The following FNBP1 variants were observed in gnomAD, a reference collection of about 807,000 sequenced individuals.
FNBP1 encodes formin-binding protein 1.
In FNBP1, 26 loss-of-function variants were observed where a neutral mutation model predicts 90.6. That is an observed-to-expected ratio of 0.29 (90% CI 0.21 to 0.40). FNBP1 has a LOEUF of 0.40. FNBP1 is among the 10% of genes least tolerant of loss of function. The pLI, the probability that FNBP1 is intolerant of heterozygous loss-of-function variation, is 1.00. For missense variants in FNBP1, 635 were observed against 768.0 expected, an observed-to-expected ratio of 0.83 and a Z score of 2.05; for synonymous variants, 260 against 265.2, an observed-to-expected ratio of 0.98 and a Z score of 0.19.
chr9:129,975,902 TAAAAAAAA>T (rs34630525), intron 4 of FNBP1, among the ~76,000 whole-genome samples: 1 of 73,922 alleles, frequency 1.4e-5, no homozygotes, highest in South Asian at 6.3e-4. Context: ...GACTCCATCT[TAAAAAAAA>T]AAAAAAAAAA....
At chr9:129,983,756 A>G (rs975074173) in intron 2 of FNBP1, among the ~76,000 whole-genome samples, 1 of 152,286 alleles carries the variant, frequency 6.6e-6, no homozygotes, top group Non-Finnish European at 1.5e-5. Context: ...GGTTGCAGTG[A>G]GCCGAGATCA....
chr9:130,032,182 TC>T (rs773647563), intron 1 of FNBP1, among the ~76,000 whole-genome samples: 1,812 of 142,500 alleles, frequency 0.013, 46 homozygotes, highest in African/African-American at 0.043. Flanking sequence ...TTTTTTTTTT[TC>T]CCAGACAAGG....
intron 1 of FNBP1, among the ~76,000 whole-genome samples, chr9:129,997,683 T>C (rs566600492): frequency 6.6e-6 from 1 of 152,136 alleles, no homozygotes; most frequent in Non-Finnish European, 1.5e-5. Context: ...TATTTATTTT[T>C]AAAATGATTA....
chr9:129,920,535 C>T (rs1377135379), intron 10 of FNBP1, among the ~76,000 whole-genome samples: 4 of 152,214 alleles, frequency 2.6e-5, no homozygotes, highest in African/African-American at 9.6e-5. Flanking sequence ...CTCCTGACCT[C>T]GTGATCCACC....
At chr9:130,039,820 A>C (rs2059664870) in intron 1 of FNBP1, among the ~76,000 whole-genome samples, 1 of 152,192 alleles carries the variant, frequency 6.6e-6, no homozygotes, top group South Asian at 2.1e-4. Context: ...GCACATTAGA[A>C]ACCTGTAGTT....
Position 129,976,250 on chromosome 9 carries a change from T to C in FNBP1, c.345+2215A>G, listed in dbSNP as rs984964095. 7.2e-5 allele frequency among the ~76,000 whole-genome samples: 11 copies of C among 152,244 alleles called. 1 individual carries two copies. In the South Asian group the frequency reaches 1.9e-3, roughly 26 times the overall value. ...TTCGTTGGGGAGCTGTCCTGTATAT[T>C]GTAGGAGGCTTAGCTGCCTCCCTGG... On this transcript the variant is annotated intron_variant, in intron 4 of 16. Coordinates refer to ENST00000446176, the MANE Select transcript of FNBP1 (RefSeq NM_015033.3).
At chr9:130,023,418 C>T (rs948368443) in intron 1 of FNBP1, among the ~76,000 whole-genome samples, 6 of 152,156 alleles carry the variant, frequency 3.9e-5, no homozygotes, top group Non-Finnish European at 5.9e-5. Context: ...GTCGGGATTG[C>T]ACACAATAGG....
intron 4 of FNBP1, among the ~76,000 whole-genome samples, chr9:129,967,732 GA>G (rs2048833565): frequency 6.6e-6 from 1 of 152,050 alleles, no homozygotes; most frequent in South Asian, 2.1e-4. Flanking sequence ...ATTCCCAGAA[GA>G]AAAGGAAATC....
chr9:129,924,051 A>T, intron 9 of FNBP1, 25 bp from the exon 10 acceptor site: 2 of 1,483,528 alleles, frequency 1.3e-6, no homozygotes, highest in Non-Finnish European at 1.8e-6. Flanking sequence ...TGGAGCCGTG[A>T]CAGAGTAAAA....
At position 129,923,977 on chromosome 9, in the gene FNBP1, G is replaced by A; in HGVS notation, c.1037C>T (p.Ala346Val). 13 of 1,528,618 alleles carry A rather than the reference G, an allele frequency of 8.5e-6. No homozygotes were observed. Among genetic ancestry groups the A allele is most frequent in the Non-Finnish European group, 1.1e-5 (13 of 1,141,960 alleles). 94.7% of individuals were successfully genotyped at this position (1,528,618 alleles called of 1,614,324 possible). ...SPHQPPPPPP[A>V]SASPSAVPNG... is the part of the protein sequence containing the mutation. ...GGGAACAGCAGAGGGTGAGGCAGAG[G>A]CAGGAGGGGGAGGGGGAGGCTGATG... Residue 346 changes from alanine to valine, a missense_variant, in exon 10 of 17, where the codon GCC becomes GTC. Ala to Val is a moderately conservative substitution (Grantham distance 64). Transcript: ENST00000446176.
chr9:129,921,009 C>T (rs936438592), intron 10 of FNBP1, among the ~76,000 whole-genome samples: 5 of 152,204 alleles, frequency 3.3e-5, no homozygotes, highest in Non-Finnish European at 7.3e-5. Flanking sequence ...CATCTCAGCT[C>T]AATCCATCAT....
intron 2 of FNBP1, among the ~76,000 whole-genome samples, chr9:129,981,649 G>A (rs759524187): frequency 2.6e-5 from 4 of 151,948 alleles, no homozygotes; most frequent in Non-Finnish European, 5.9e-5. Flanking sequence ...ACCGGCTTCA[G>A]TACAAAGGGC....
intron 13 of FNBP1, among the ~76,000 whole-genome samples, chr9:129,902,135 T>C (rs1379816267): frequency 6.6e-6 from 1 of 152,182 alleles, no homozygotes. Context: ...TTGTGTTTGC[T>C]GCTGGTTCTC....
At chr9:129,972,151 C>T (rs867732605) in intron 4 of FNBP1, among the ~76,000 whole-genome samples, 4 of 152,134 alleles carry the variant, frequency 2.6e-5, no homozygotes, top group South Asian at 2.1e-4. Flanking sequence ...ATTTATTTTT[C>T]GAGATGGAGT....
chr9:129,985,763 G>A (rs2052083142), intron 2 of FNBP1, among the ~76,000 whole-genome samples: 1 of 151,942 alleles, frequency 6.6e-6, no homozygotes, highest in Admixed American at 6.6e-5. Context: ...AGGAGTTTGA[G>A]ACCAGCCTGA....
chr9:130,048,811 G>C, the FNBP1 span, among the ~76,000 whole-genome samples: 119 of 133,330 alleles, frequency 8.9e-4, no homozygotes, highest in Non-Finnish European at 1.6e-3. Flanking sequence ...ATAAGAGTCT[G>C]GCTCTGTCGC....
chr9:129,909,043 T>G (rs772115498), intron 11 of FNBP1, 44 bp from the exon 12 acceptor site: 9 of 1,419,210 alleles, frequency 6.3e-6, no homozygotes, highest in Non-Finnish European at 4.0e-6. Flanking sequence ...GCCCCAGGCT[T>G]TCCTTGAAAG....
At chr9:129,992,027 C>T (rs1160937808) in intron 2 of FNBP1, among the ~76,000 whole-genome samples, 2 of 152,132 alleles carry the variant, frequency 1.3e-5, no homozygotes, top group Non-Finnish European at 2.9e-5. Flanking sequence ...AGAGGTCTGG[C>T]TTAGAGATCC....
chr9:129,947,143 C>T (rs1039603532), intron 6 of FNBP1, among the ~76,000 whole-genome samples: 3 of 152,106 alleles, frequency 2.0e-5, no homozygotes, highest in African/African-American at 7.2e-5. Context: ...GTAAACCAAA[C>T]ATTAGAAAGA....
Sources: gnomAD v4.1 joint callset for allele counts (sites outside exome capture counted in the v4.1 genomes callset) on GRCh38, gnomAD v4.1.1 for gene constraint, MANE v1.5 for transcripts, NCBI Gene and HGNC (gene_info 2026-07-23, HGNC 2026-07-21) for gene names.